CLVS1: variants seen among roughly 807,000 people sequenced by gnomAD.
The protein encoded by CLVS1 is clavesin 1.
In CLVS1, 10 loss-of-function variants were observed where a neutral mutation model predicts 33.1. The ratio of observed to expected loss-of-function variants is 0.30; its 90% CI spans 0.19 to 0.51. The LOEUF (loss-of-function observed/expected upper bound fraction) is 0.51. CLVS1 is among the 20% of genes least tolerant of loss of function. The pLI, the probability that CLVS1 is intolerant of heterozygous loss-of-function variation, is 0.97. For missense variants in CLVS1, 343 were observed against 433.4 expected, an observed-to-expected ratio of 0.79 and a Z score of 1.85; for synonymous variants, 163 against 166.1, an observed-to-expected ratio of 0.98 and a Z score of 0.14.
chr8:61,253,398 C>G (rs1443283564), intron 2 of CLVS1, among the ~76,000 whole-genome samples: 1 of 152,140 alleles, frequency 6.6e-6, no homozygotes, highest in Non-Finnish European at 1.5e-5. Context: ...AATTATACGT[C>G]TTGGAGTTGC....
chr8:61,205,137 T>A (rs1469681279), intron 2 of CLVS1, among the ~76,000 whole-genome samples: 1 of 152,204 alleles, frequency 6.6e-6, no homozygotes, highest in Non-Finnish European at 1.5e-5. Context: ...AAATTGTGGT[T>A]AAATATACAC....
At chr8:61,439,535 C>T (rs539602530) in intron 3 of CLVS1, among the ~76,000 whole-genome samples, 10 of 152,252 alleles carry the variant, frequency 6.6e-5, no homozygotes, top group Non-Finnish European at 1.3e-4. Flanking sequence ...CTCACCTGGG[C>T]AGCAACAGGA....
chr8:61,220,493 T>C (rs1158003947), intron 2 of CLVS1, among the ~76,000 whole-genome samples: 1 of 152,062 alleles, frequency 6.6e-6, no homozygotes, highest in Non-Finnish European at 1.5e-5. Flanking sequence ...ATTTCTGAGG[T>C]CTCTGTTCTG....
At chr8:61,060,594 T>C (rs1439511800) in intron 1 of CLVS1, among the ~76,000 whole-genome samples, 3 of 152,198 alleles carry the variant, frequency 2.0e-5, no homozygotes, top group Non-Finnish European at 4.4e-5. Context: ...CAGGTCTCAA[T>C]GTCTAAGTGC....
chr8:61,458,561 G>C lies in CLVS1; in HGVS notation c.977+19G>C, dbSNP rs966833826. The C allele has an allele frequency of 1.3e-6, 2 of 1,490,600 alleles. No homozygotes were observed. Among genetic ancestry groups the C allele is most frequent in the Non-Finnish European group, 1.8e-6 (2 of 1,104,174 alleles). 92.3% of individuals were successfully genotyped at this position (1,490,600 alleles called of 1,614,324 possible). On this transcript the variant is annotated intron_variant, in intron 5 of 5. Transcript: ENST00000325897. Reference sequence around the variant, plus strand: ...TGAAAAGGTAAGGCCTGGGTTATCAGAGCCCCCCCCCCAGTCAGAGGTCAA... The same window carrying C: ...TGAAAAGGTAAGGCCTGGGTTATCACAGCCCCCCCCCCAGTCAGAGGTCAA...
At chr8:61,209,109 C>T (rs1211076544) in intron 2 of CLVS1, among the ~76,000 whole-genome samples, 1 of 152,160 alleles carries the variant, frequency 6.6e-6, no homozygotes, top group Non-Finnish European at 1.5e-5. Context: ...TAAATCTCTC[C>T]ATTGCTAAAA....
intron 1 of CLVS1, among the ~76,000 whole-genome samples, chr8:61,074,362 ATATATATATATATAAGTATATGTG>A (rs1804860455): frequency 1.0e-5 from 1 of 99,972 alleles, no homozygotes; most frequent in African/African-American, 5.6e-5. Flanking sequence ...GTGTGTGTGT[ATATATATATATATAAGTATATGTG>A]TATATATATA....
intron 1 of CLVS1, among the ~76,000 whole-genome samples, chr8:61,100,326 A>G (rs537355580): frequency 3.3e-5 from 5 of 152,330 alleles, no homozygotes; most frequent in African/African-American, 1.2e-4. Flanking sequence ...TAGCAGACAA[A>G]AATAATACAA....
chr8:61,294,845 T>G (rs992141861), intron 1 of CLVS1, among the ~76,000 whole-genome samples: 2 of 152,174 alleles, frequency 1.3e-5, no homozygotes, highest in African/African-American at 2.4e-5. Context: ...TGAAAATATT[T>G]TTATGCTTAA....
Position 61,369,137 on chromosome 8 carries a change from C to T in CLVS1, c.456-7468C>T, listed in dbSNP as rs73682279. On this transcript the variant is annotated intron_variant, in intron 2 of 5. Coordinates refer to ENST00000325897, the MANE Select transcript of CLVS1 (RefSeq NM_173519.3). ...TATGTGAGATGGAGTTAAATCCAGG[C>T]TTCTGTTCTCTTTGTGACCAATTTT... Among the ~76,000 whole-genome samples the T allele has an allele frequency of 5.0e-3, 757 of 152,172 alleles. 10 individuals are homozygous for T. Among genetic ancestry groups the T allele is most frequent in the African/African-American group, 0.017 (712 of 41,526 alleles).
At chr8:61,021,689 G>T in the CLVS1 span, among the ~76,000 whole-genome samples, 2 of 152,010 alleles carry the variant, frequency 1.3e-5, no homozygotes, top group Non-Finnish European at 2.9e-5. Context: ...AAGTGCAAAG[G>T]AATTAATTTT....
chr8:61,096,163 T>C (rs1396619154), intron 1 of CLVS1, among the ~76,000 whole-genome samples: 1 of 152,202 alleles, frequency 6.6e-6, no homozygotes, highest in African/African-American at 2.4e-5. Context: ...AAAATTTTAA[T>C]TGATTATGCT....
intron 5 of CLVS1, among the ~76,000 whole-genome samples, chr8:61,469,387 A>T (rs1272713308): frequency 6.6e-6 from 1 of 152,138 alleles, no homozygotes; most frequent in Non-Finnish European, 1.5e-5. Context: ...GCATGGAAGA[A>T]TTGAGATGTC....
chr8:61,350,223 C>T (rs756017547), intron 2 of CLVS1, among the ~76,000 whole-genome samples: 1 of 152,086 alleles, frequency 6.6e-6, no homozygotes, highest in African/African-American at 2.4e-5. Context: ...ATGTCCTATA[C>T]CAAATAATAA....
At chr8:61,413,341 C>T (rs949018187) in intron 3 of CLVS1, among the ~76,000 whole-genome samples, 2 of 152,076 alleles carry the variant, frequency 1.3e-5, no homozygotes, top group African/African-American at 4.8e-5. Flanking sequence ...TGTCCTGAAC[C>T]CCTATTAACT....
chr8:61,177,596 G>A (rs935732206), intron 2 of CLVS1, among the ~76,000 whole-genome samples: 21 of 152,172 alleles, frequency 1.4e-4, no homozygotes, highest in South Asian at 2.1e-4. Context: ...TCAAGTTGGC[G>A]CCCCTCAAGG....
At chr8:61,304,796 A>C (rs1810562882) in intron 2 of CLVS1, among the ~76,000 whole-genome samples, 1 of 152,092 alleles carries the variant, frequency 6.6e-6, no homozygotes, top group Admixed American at 6.5e-5. Flanking sequence ...TTTTTTCTGG[A>C]TTTCACTCAG....
chr8:61,206,594 T>C (rs534469203), intron 2 of CLVS1, among the ~76,000 whole-genome samples: 968 of 79,164 alleles, frequency 0.012, 38 homozygotes, highest in Admixed American at 0.12. Context: ...TTCTTTCTTT[T>C]TTTTTTTTTT....
the CLVS1 span, among the ~76,000 whole-genome samples, chr8:61,028,006 A>G: frequency 6.6e-6 from 1 of 152,226 alleles, no homozygotes; most frequent in Non-Finnish European, 1.5e-5. Context: ...TGTTTTTCCT[A>G]TCTGAATGGT....
Sources: allele counts gnomAD v4.1 joint callset (sites outside exome capture counted in the v4.1 genomes callset), GRCh38; gene constraint gnomAD v4.1.1; transcripts MANE v1.5; gene names NCBI Gene and HGNC (gene_info 2026-07-23, HGNC 2026-07-21).